The following MICB variants were observed in gnomAD, a reference collection of about 807,000 sequenced individuals.
The protein encoded by MICB is MHC class I antigen-related protein B.
A neutral mutation model predicts 34.3 loss-of-function variants in MICB; 27 were observed. The ratio of observed to expected loss-of-function variants is 0.79; its 90% CI spans 0.58 to 1.08. The LOEUF is 1.08. Ranked by LOEUF, MICB falls within the 50% of genes least tolerant of loss-of-function variation. The probability of loss-of-function intolerance (pLI) is 0.00; values close to 1 mark genes in which losing one functional copy is unlikely to be tolerated. For missense variants in MICB, 426 were observed against 483.1 expected, an observed-to-expected ratio of 0.88 and a Z score of 1.11; for synonymous variants, 153 against 187.4, an observed-to-expected ratio of 0.82 and a Z score of 1.50.
chr6:31,503,949 C>CTG lies in MICB; in HGVS notation c.71-1631_71-1630dup, dbSNP rs9279324. ...TTTCTCTACCTCCTTGCCAAACTTGCTGTGTGTGTGTGTGTGTGTGTGTGT... is the reference window on the plus strand; with the variant it reads ...TTTCTCTACCTCCTTGCCAAACTTGCTGTGTGTGTGTGTGTGTGTGTGTGTGT... On this transcript the variant is annotated intron_variant, in intron 1 of 5. Transcript: ENST00000252229. Among the ~76,000 whole-genome samples the CTG allele has an allele frequency of 3.1e-3, 302 of 97,590 alleles. 1 individual carries two copies. The highest frequency in any genetic ancestry group is 0.013 in the East Asian group (37 of 2,758). The allele number at this position is 97,590 out of a possible 152,430, so 64.0% of individuals were successfully genotyped here.
In MICB at chr6:31,507,419, G is replaced by C. The variant is rs781134713; in HGVS notation, c.912G>C (p.Gln304His). The C allele has an allele frequency of 3.1e-6, 5 of 1,614,152 alleles. No homozygotes were observed. The Admixed American group carries it at 6.7e-5, about 22-fold the overall frequency. Residue 304 changes from glutamine (Q) to histidine (H), a missense_variant, in exon 5 of 6, where the codon CAG becomes CAC. Coordinates refer to ENST00000252229, the MANE Select transcript of MICB (RefSeq NM_005931.5). This position sits in a 1 kb window ranked among gnomAD's most constrained non-coding sequence, Gnocchi z 6.0. ...PVPSGKALVL[Q>H]SQRTDFPYVS... ...TTTCAGGGAAGGCGCTGGTGCTTCA[G>C]AGTCAACGGACAGACTTTCCATATG...
At chr6:31,498,112 A>T, upstream of MICB, 1 of 1,197,252 alleles carries the variant, frequency 8.4e-7, no homozygotes, top group Non-Finnish European at 1.2e-6. Flanking sequence ...GGCGCAGGTG[A>T]CTAAATTTCG....
At chr6:31,500,011 C>G (rs541716083) in intron 1 of MICB, among the ~76,000 whole-genome samples, 1 of 151,322 alleles carries the variant, frequency 6.6e-6, no homozygotes, top group African/African-American at 2.4e-5. Context: ...ATGCTCATGC[C>G]GCCCTCCAGT....
chr6:31,499,590 A>G (rs1764909752), intron 1 of MICB, among the ~76,000 whole-genome samples: 1 of 152,018 alleles, frequency 6.6e-6, no homozygotes, highest in African/African-American at 2.4e-5. Flanking sequence ...CAGACCCCCA[A>G]GGAGAGCCCT....
chr6:31,507,358 T>C lies in MICB; in HGVS notation c.893-42T>C. 4 of 1,613,698 alleles carry C rather than the reference T, an allele frequency of 2.5e-6. No homozygotes were observed. The highest frequency in any genetic ancestry group is 3.4e-6 in the Non-Finnish European group (4 of 1,179,798). On this transcript the variant is annotated intron_variant, in intron 4 of 5. Coordinates refer to ENST00000252229, the MANE Select transcript of MICB (RefSeq NM_005931.5). The surrounding 1 kb of genome is among the most constrained non-coding windows in gnomAD (Gnocchi z 6.0). ...CCAGGGTAGGAACAGCAAGGACGGC[T>C]GTGGCTCTCTGCCCAGTGTATAACA...
At chr6:31,494,940 G>A, upstream of MICB, 1 of 146,942 alleles carries the variant, frequency 6.8e-6, no homozygotes, top group Admixed American at 7.2e-5. Context: ...CTGCAGTGGC[G>A]CCTAAAGTCT....
chr6:31,501,997 A>G (rs3095233), intron 1 of MICB, among the ~76,000 whole-genome samples: 15,025 of 152,132 alleles, frequency 0.099, 838 homozygotes, highest in Non-Finnish European at 0.12. Context: ...TAGCAATTGC[A>G]TTGAATTTGT....
chr6:31,509,092 G>A (rs1765517998), intron 5 of MICB, among the ~76,000 whole-genome samples: 1 of 152,172 alleles, frequency 6.6e-6, no homozygotes. Context: ...GGTGAAGTAA[G>A]TGGACCAGGA....
At chr6:31,503,861 A>G (rs532386755) in intron 1 of MICB, among the ~76,000 whole-genome samples, 2 of 152,134 alleles carry the variant, frequency 1.3e-5, no homozygotes, top group Admixed American at 1.3e-4. Context: ...AGGAATCACC[A>G]TAGTGTTTTC....
intron 1 of MICB, among the ~76,000 whole-genome samples, chr6:31,499,990 A>G (rs1358265829): frequency 4.1e-5 from 5 of 120,776 alleles, no homozygotes; most frequent in Admixed American, 4.0e-4. Context: ...TCCCACAGTC[A>G]CTCCTGCCCC....
chr6:31,505,721 T>C lies in MICB; in HGVS notation c.175T>C (p.Tyr59His). 1 of 1,613,124 alleles carries C rather than the reference T, an allele frequency of 6.2e-7. No individual in the cohort carries two copies. Among genetic ancestry groups the C allele is most frequent in the South Asian group, 1.1e-5 (1 of 91,086 alleles). The change falls in exon 2 of 6, where the codon TAT becomes CAT. Residue 59 changes from tyrosine to histidine, a missense_variant. Physicochemically the swap from Tyr to His is moderately conservative, Grantham distance 83. Transcript: ENST00000252229. ...TCTGGATGGTCAGCCCTTCCTGCGC[T>C]ATGACAGGCAGAAACGCAGGGCAAA... ...GHLDGQPFLR[Y>H]DRQKRRAKPQ...
chr6:31,503,370 G>A (rs6904546), intron 1 of MICB, among the ~76,000 whole-genome samples: 51,494 of 151,858 alleles, frequency 0.34, 8,869 homozygotes, highest in East Asian at 0.46. Context: ...TGTTTTAACC[G>A]CTTTTAAGTG....
upstream of MICB, among the ~76,000 whole-genome samples, chr6:31,497,454 A>T (rs764356943): frequency 2.0e-5 from 3 of 152,050 alleles, no homozygotes; most frequent in African/African-American, 7.3e-5. Flanking sequence ...TTACCCAGGA[A>T]CTGAATAGAG....
intron 1 of MICB, among the ~76,000 whole-genome samples, chr6:31,501,029 T>C (rs535287078): frequency 6.6e-6 from 1 of 152,342 alleles, no homozygotes; most frequent in African/African-American, 2.4e-5. Flanking sequence ...ACAGTGGTTA[T>C]ACTAGTTTAC....
intron 5 of MICB, among the ~76,000 whole-genome samples, chr6:31,509,330 G>A (rs947494338): frequency 1.3e-5 from 2 of 152,218 alleles, no homozygotes; most frequent in Non-Finnish European, 2.9e-5. Context: ...GCTGGGAGGG[G>A]AGGAGTGCTG....
In MICB at chr6:31,509,837, G is replaced by A; in HGVS notation, c.1080G>A (p.Arg360=). ...DQHPVGTGDH[R]DAAQLGFQPL... The stretch of plus-strand genomic sequence containing the variant: ...ACCCAGTTGGGACAGGAGACCACAG[G>A]GATGCAGCACAGCTGGGATTTCAGC... Residue 360 remains arginine, a synonymous_variant, in exon 6 of 6, where the codon AGG becomes AGA. Coordinates refer to ENST00000252229, the MANE Select transcript of MICB (RefSeq NM_005931.5). 1.2e-6 allele frequency: 2 copies of A among 1,613,490 alleles called. No individual in the cohort carries two copies. The highest frequency in any genetic ancestry group is 1.3e-5 in the African/African-American group (1 of 74,926).
chr6:31,499,182 G>A (rs899186148), intron 1 of MICB, among the ~76,000 whole-genome samples: 1 of 152,036 alleles, frequency 6.6e-6, no homozygotes, highest in Middle Eastern at 3.4e-3. Context: ...TTCTTCCTGC[G>A]ACTTCTGTCA....
chr6:31,501,062 G>T (rs191294705), intron 1 of MICB, among the ~76,000 whole-genome samples: 2 of 151,536 alleles, frequency 1.3e-5, no homozygotes, highest in African/African-American at 4.8e-5. Flanking sequence ...AGTGTACAAG[G>T]GTTCTCTTTT....
chr6:31,509,792 C>T lies in MICB; in HGVS notation c.1035C>T (p.Ser345=), dbSNP rs575841894. 24 of 1,611,098 alleles carry T rather than the reference C, an allele frequency of 1.5e-5. No homozygotes were observed. In the South Asian group the frequency reaches 2.3e-4, roughly 16 times the overall value. Residue 345 remains serine, a synonymous_variant, in exon 6 of 6, where the codon AGC becomes AGT. Coordinates refer to ENST00000252229, the MANE Select transcript of MICB (RefSeq NM_005931.5). ...TSAAEGPELV[S]LQVLDQHPVG... The stretch of plus-strand genomic sequence containing the variant: ...TTCCCTCTTCTCCAGAGCTTGTGAG[C>T]CTGCAGGTCCTGGATCAACACCCAG...
Sources: gnomAD v4.1 joint callset for allele counts (sites outside exome capture counted in the v4.1 genomes callset) on GRCh38, gnomAD v4.1.1 for gene constraint, Gnocchi (gnomAD v3.1) non-coding constraint, MANE v1.5 for transcripts, NCBI Gene and HGNC (gene_info 2026-07-23, HGNC 2026-07-21) for gene names.